Variants in PCDHA4 observed in about 807,000 individuals in gnomAD.
PCDHA4 encodes the protein protocadherin alpha-4.
Under a neutral mutation model 61.4 loss-of-function variants are expected in PCDHA4, and 49 were observed. That is an observed-to-expected ratio of 0.80 (90% CI 0.63 to 1.01). The LOEUF (loss-of-function observed/expected upper bound fraction) is 1.01, where lower values mean the gene tolerates loss of function less well. PCDHA4 is among the 50% of genes least tolerant of loss of function. The pLI, the probability that PCDHA4 is intolerant of heterozygous loss-of-function variation, is 0.00. For synonymous variants in PCDHA4, 590 were observed against 550.3 expected, an observed-to-expected ratio of 1.07 and a Z score of -1.01; for missense variants, 1,254 against 1,235.8, an observed-to-expected ratio of 1.01 and a Z score of -0.22.
chr5:140,922,093 C>T (rs1037802949), intron 1 of PCDHA4, among the ~76,000 whole-genome samples: 6 of 151,986 alleles, frequency 3.9e-5, no homozygotes, highest in Middle Eastern at 3.4e-3. Flanking sequence ...GTATTTCTAC[C>T]AACTATAGAT....
At chr5:140,856,434 C>A in intron 1 of PCDHA4, 2 of 1,598,320 alleles carry the variant, frequency 1.3e-6, no homozygotes, top group Non-Finnish European at 1.7e-6. Flanking sequence ...AACGACAACC[C>A]GCCCAGGTTC....
At chr5:140,825,754 A>T (rs782058302) in intron 1 of PCDHA4, 1 of 152,530 alleles carries the variant, frequency 6.6e-6, no homozygotes, top group East Asian at 1.9e-4. Context: ...GTAACTGTGA[A>T]TCTCCTCAGT....
intron 1 of PCDHA4, chr5:140,927,767 A>G (rs2084615997): frequency 6.2e-7 from 1 of 1,614,176 alleles, no homozygotes. Context: ...AAAAGTGGGG[A>G]GGTGCAAGTA....
chr5:140,859,506 C>A, intron 1 of PCDHA4: 1 of 197,142 alleles, frequency 5.1e-6, no homozygotes, highest in Non-Finnish European at 1.0e-5. Flanking sequence ...ACCTGATACC[C>A]ATGATTTCAT....
intron 1 of PCDHA4, chr5:140,852,775 T>G (rs1554146101): frequency 1.0e-6 from 1 of 980,592 alleles, no homozygotes; most frequent in African/African-American, 1.8e-5. Context: ...TTATTTGATG[T>G]GAATAGAGGG....
chr5:140,982,545 G>C lies in PCDHA4; in HGVS notation c.2515G>C (p.Val839Leu), dbSNP rs782544627. The change falls in exon 3 of 4, where the codon GTA becomes CTA. Residue 839 changes from valine (V) to leucine (L), a missense_variant. Val to Leu is a conservative substitution (Grantham distance 32). Transcript: ENST00000530339. The stretch of plus-strand genomic sequence containing the variant: ...AGGGCCTGATCAGCAGTGGCCAACA[G>C]TATCCAGTGCAACACCAGGTAAAGA... ...PGGPDQQWPT[V>L]SSATPEPEAG... The C allele has an allele frequency of 6.2e-6, 10 of 1,614,088 alleles. No individual in the cohort carries two copies. The East Asian group carries it at 2.2e-4, about 36-fold the overall frequency.
rs551245842 is a variant in PCDHA4, at chr5:140,927,508, C to G, written c.2386-51441C>G. 3.7e-6 allele frequency: 6 copies of G among 1,614,074 alleles called. No individual in the cohort carries two copies. In the Admixed American group the frequency reaches 5.0e-5, roughly 13 times the overall value. ...CACCCACCTGCTGGTGCTTACAGCT[C>G]GGGACGGCGGGCTACCTGCCCGCTC... On this transcript the variant is annotated intron_variant, in intron 1 of 3. Coordinates refer to ENST00000530339, the MANE Select transcript of PCDHA4 (RefSeq NM_018907.4).
At chr5:140,926,789 G>C in intron 1 of PCDHA4, 1 of 1,432,318 alleles carries the variant, frequency 7.0e-7, no homozygotes, top group Non-Finnish European at 9.1e-7. Context: ...CGGCCGGCAG[G>C]AGCGTGCTCT....
At position 140,809,155 on chromosome 5, in the gene PCDHA4, G is replaced by T. The variant is rs567757480; in HGVS notation, c.1968G>T (p.Glu656Asp). The change falls in exon 1 of 4, where the codon GAG (glutamate) becomes GAT (aspartate). Residue 656 changes from glutamate (E) to aspartate (D), a missense_variant. By Grantham distance (45) the Glu-to-Asp change is conservative. Coordinates refer to ENST00000530339, the MANE Select transcript of PCDHA4 (RefSeq NM_018907.4). Reference sequence around the variant, plus strand: ...TGGTACTGGTGAAGGACCACGGCGAGCCCGCGCTGACGGCCACGGCCACTG... The same window carrying T: ...TGGTACTGGTGAAGGACCACGGCGATCCCGCGCTGACGGCCACGGCCACTG... ...RLLVLVKDHG[E>D]PALTATATVL... 5 of 1,613,980 alleles carry T rather than the reference G, an allele frequency of 3.1e-6. No homozygotes were observed. In the East Asian group the frequency reaches 8.9e-5, roughly 29 times the overall value.
intron 1 of PCDHA4, among the ~76,000 whole-genome samples, chr5:140,845,069 G>A (rs1323503087): frequency 6.7e-6 from 1 of 149,464 alleles, no homozygotes; most frequent in Non-Finnish European, 1.5e-5. Context: ...CCTCAAAGCA[G>A]CATTGTTTTG....
rs1012749061 is a variant in PCDHA4 at position 141,011,525 on chromosome 5, C to T, written c.*1588C>T. Reference sequence around the variant, plus strand: ...AAAAGTGGAGTAGTGTTTTTTTAACCATTGTTAATCAGCTTTTGTGTATGA... The same window carrying T: ...AAAAGTGGAGTAGTGTTTTTTTAACTATTGTTAATCAGCTTTTGTGTATGA... On this transcript the variant is annotated 3_prime_UTR_variant, in exon 4 of 4. Coordinates refer to ENST00000530339, the MANE Select transcript of PCDHA4 (RefSeq NM_018907.4). 11 of 153,568 alleles carry T rather than the reference C, an allele frequency of 7.2e-5. No individual in the cohort carries two copies. The Admixed American group carries it at 7.2e-4, about 10-fold the overall frequency. 9.5% of individuals were successfully genotyped at this position (153,568 alleles called of 1,614,324 possible).
intron 1 of PCDHA4, among the ~76,000 whole-genome samples, chr5:140,902,647 G>A (rs1286700570): frequency 6.6e-6 from 1 of 150,932 alleles, no homozygotes; most frequent in African/African-American, 2.4e-5. Context: ...CTGAGATTTT[G>A]GTGCACCTGT....
chr5:140,830,221 G>T (rs2150182953), intron 1 of PCDHA4: 1 of 1,613,892 alleles, frequency 6.2e-7, no homozygotes, highest in South Asian at 1.1e-5. Flanking sequence ...TATCCAGCCT[G>T]CTGGTCCTCA....
At position 140,845,912 on chromosome 5, in the gene PCDHA4, C is replaced by A. The variant is rs186058718; in HGVS notation, c.2385+36340C>A. On this transcript the variant is annotated intron_variant, in intron 1 of 3. Transcript: ENST00000530339. ...AGTCGTTATGGCCTTCCATATTAAT[C>A]TTATTTTTGTGTAAAACTATCTTCT... Among the ~76,000 whole-genome samples, 208 of 149,552 alleles carry A rather than the reference C, an allele frequency of 1.4e-3. 17 individuals are homozygous for A. The Middle Eastern group carries it at 0.024, about 17-fold the overall frequency.
At chr5:140,824,487 C>T in intron 1 of PCDHA4, 1 of 356,814 alleles carries the variant, frequency 2.8e-6, no homozygotes, top group Non-Finnish European at 5.1e-6. Flanking sequence ...TTTTTAGAGA[C>T]CCTTTGTTGC....
chr5:140,915,957 T>G (rs1476969057), intron 1 of PCDHA4, among the ~76,000 whole-genome samples: 4 of 151,934 alleles, frequency 2.6e-5, no homozygotes, highest in African/African-American at 4.8e-5. Flanking sequence ...TACTTAGAAA[T>G]TTGCCTGATA....
In PCDHA4 at chr5:140,904,790, G is replaced by T. The variant is rs139747501; in HGVS notation, c.2386-74159G>T. 2.6e-3 allele frequency among the ~76,000 whole-genome samples: 392 copies of T among 152,018 alleles called. 4 individuals carry two copies. In the East Asian group the frequency reaches 0.045, roughly 17 times the overall value. The stretch of plus-strand genomic sequence containing the variant: ...TGGTATCACATTATTGTTTTAATTT[G>T]CATTTTCCTGATAATTAGTGATGTT... On this transcript the variant is annotated intron_variant, in intron 1 of 3. Coordinates refer to ENST00000530339, the MANE Select transcript of PCDHA4 (RefSeq NM_018907.4).
At chr5:140,959,331 T>C (rs1170663171) in intron 1 of PCDHA4, among the ~76,000 whole-genome samples, 1 of 152,072 alleles carries the variant, frequency 6.6e-6, no homozygotes. Flanking sequence ...GTTTTGATTA[T>C]GCTACTGCAC....
intron 1 of PCDHA4, chr5:140,855,847 C>A: frequency 3.1e-6 from 2 of 652,288 alleles, no homozygotes; most frequent in Non-Finnish European, 2.6e-6. Context: ...CACCTAAAGC[C>A]ACCGGATGTC....
Sources: gnomAD v4.1 joint callset for allele counts (sites outside exome capture counted in the v4.1 genomes callset) on GRCh38, gnomAD v4.1.1 for gene constraint, MANE v1.5 for transcripts, NCBI Gene and HGNC (gene_info 2026-07-23, HGNC 2026-07-21) for gene names.